Variants in DRC11 observed in about 807,000 individuals in gnomAD.
DRC11 encodes IQ and AAA domain-containing protein 1.
the DRC11 span, among the ~76,000 whole-genome samples, chr2:236,502,978 A>G: frequency 6.6e-6 from 1 of 152,182 alleles, no homozygotes; most frequent in Non-Finnish European, 1.5e-5. Context: ...GAAAAGCTAT[A>G]AAGACAGAAG....
chr2:236,493,998 C>A, the DRC11 span: 3 of 894,634 alleles, frequency 3.4e-6, no homozygotes, highest in Non-Finnish European at 4.6e-6. Flanking sequence ...GCTTTACTTC[C>A]CATTTTCATT....
At chr2:236,388,433 C>T in the DRC11 span, among the ~76,000 whole-genome samples, 34 of 151,400 alleles carry the variant, frequency 2.2e-4, no homozygotes, top group Non-Finnish European at 4.0e-4. Flanking sequence ...TGCTGATACC[C>T]TTTCTTCCAG....
chr2:236,404,002 T>C, the DRC11 span, among the ~76,000 whole-genome samples: 1 of 151,790 alleles, frequency 6.6e-6, no homozygotes, highest in Non-Finnish European at 1.5e-5. Flanking sequence ...CCTTCCCAGA[T>C]CCCATCCCAC....
the DRC11 span, chr2:236,331,859 A>G: frequency 2.2e-6 from 1 of 456,412 alleles, no homozygotes; most frequent in Non-Finnish European, 4.0e-6. This position sits in a 1 kb window ranked among gnomAD's most constrained non-coding sequence, Gnocchi z 4.8. Flanking sequence ...GAAACACAAA[A>G]CCACCGTCAG....
chr2:236,440,834 C>T, the DRC11 span, among the ~76,000 whole-genome samples: 3 of 151,958 alleles, frequency 2.0e-5, no homozygotes, highest in South Asian at 2.1e-4. Flanking sequence ...CATCACATCT[C>T]TTTCAAAGGT....
At chr2:236,477,288 A>G in the DRC11 span, among the ~76,000 whole-genome samples, 1 of 152,244 alleles carries the variant, frequency 6.6e-6, no homozygotes, top group East Asian at 1.9e-4. Context: ...CATATTTTAT[A>G]TATTACATGT....
chr2:236,406,059 G>A, the DRC11 span, among the ~76,000 whole-genome samples: 1 of 152,154 alleles, frequency 6.6e-6, no homozygotes, highest in Admixed American at 6.5e-5. This position sits in a 1 kb window ranked among gnomAD's most constrained non-coding sequence, Gnocchi z 4.7. Flanking sequence ...GTAAGTTTCC[G>A]GCTACTGTGT....
chr2:236,407,790 TCAGTGGAAA>T, the DRC11 span: 1 of 286,540 alleles, frequency 3.5e-6, no homozygotes, highest in Non-Finnish European at 6.9e-6. Context: ...TTTTTTTTTT[TCAGTGGAAA>T]ATAACTTTTA....
At chr2:236,386,455 T>A in the DRC11 span, among the ~76,000 whole-genome samples, 2 of 151,658 alleles carry the variant, frequency 1.3e-5, no homozygotes, top group African/African-American at 2.4e-5. Context: ...TGCGTAGAGG[T>A]GTTTGTAGTA....
At chr2:236,359,940 C>T in the DRC11 span, among the ~76,000 whole-genome samples, 1 of 152,062 alleles carries the variant, frequency 6.6e-6, no homozygotes, top group Non-Finnish European at 1.5e-5. This position sits in a 1 kb window ranked among gnomAD's most constrained non-coding sequence, Gnocchi z 4.3. Context: ...ATGTGGTGCT[C>T]CACATTTTAA....
chr2:236,505,599 T>A, the DRC11 span, among the ~76,000 whole-genome samples: 1 of 152,156 alleles, frequency 6.6e-6, no homozygotes, highest in East Asian at 1.9e-4. Context: ...TCCCATTTCA[T>A]CTGATGCTGT....
At chr2:236,357,275 ATAT>A in the DRC11 span, among the ~76,000 whole-genome samples, 1 of 76,406 alleles carries the variant, frequency 1.3e-5, no homozygotes, top group Non-Finnish European at 2.7e-5. Context: ...AAATATACAT[ATAT>A]TATATATTTA....
At chr2:236,343,223 G>T in the DRC11 span, among the ~76,000 whole-genome samples, 210 of 151,992 alleles carry the variant, frequency 1.4e-3, no homozygotes, top group African/African-American at 4.6e-3. The surrounding 1 kb of genome is among the most constrained non-coding windows in gnomAD (Gnocchi z 6.6). Flanking sequence ...CTTTCTCTCA[G>T]AGGCCCCCTC....
At chr2:236,333,232 C>T in the DRC11 span, 2 of 152,082 alleles carry the variant, frequency 1.3e-5, no homozygotes, top group African/African-American at 4.8e-5. This position sits in a 1 kb window ranked among gnomAD's most constrained non-coding sequence, Gnocchi z 6.0. Context: ...AGTTTCCTAA[C>T]CCTCATTAAA....
the DRC11 span, among the ~76,000 whole-genome samples, chr2:236,416,181 T>C: frequency 2.0e-5 from 3 of 151,954 alleles, no homozygotes; most frequent in African/African-American, 4.8e-5. Flanking sequence ...TATGATGCAA[T>C]TGCAAGAGAG....
chr2:236,388,548 T>C, the DRC11 span, among the ~76,000 whole-genome samples: 1 of 150,692 alleles, frequency 6.6e-6, no homozygotes. Context: ...TTGGTTATTC[T>C]AGTTATACAT....
the DRC11 span, among the ~76,000 whole-genome samples, chr2:236,395,296 C>T: frequency 6.6e-6 from 1 of 152,184 alleles, no homozygotes. Flanking sequence ...AGTGGGCCTA[C>T]AGGAGGCAGC....
chr2:236,331,939 T>C, the DRC11 span: 8 of 227,338 alleles, frequency 3.5e-5, no homozygotes, highest in Non-Finnish European at 5.3e-5. The surrounding 1 kb of genome is among the most constrained non-coding windows in gnomAD (Gnocchi z 4.8). Flanking sequence ...ATAAGGTGTA[T>C]AATGGCATCT....
At chr2:236,489,783 A>C in the DRC11 span, among the ~76,000 whole-genome samples, 1 of 151,910 alleles carries the variant, frequency 6.6e-6, no homozygotes, top group Non-Finnish European at 1.5e-5. Flanking sequence ...AAATTAGTGG[A>C]GTGTTGTGGG....
Sources: allele counts gnomAD v4.1 joint callset (sites outside exome capture counted in the v4.1 genomes callset), GRCh38; gene constraint gnomAD v4.1.1; non-coding constraint Gnocchi (gnomAD v3.1); transcripts MANE v1.5; gene names NCBI Gene and HGNC (gene_info 2026-07-23, HGNC 2026-07-21).